DPP6: variants seen among roughly 807,000 people sequenced by gnomAD.
DPP6 encodes the protein dipeptidyl peptidase like 6.
A neutral mutation model predicts 122.6 loss-of-function variants in DPP6; 69 were observed. That is an observed-to-expected ratio of 0.56 (90% CI 0.46 to 0.69). The LOEUF is 0.69. DPP6 is among the 30% of genes least tolerant of loss of function. The pLI is 0.00. For missense variants in DPP6, 928 were observed against 1,116.9 expected (o/e 0.83, Z 2.41); for synonymous variants, 418 against 433.1 (o/e 0.97, Z 0.43).
chr7:154,876,914 G>T (rs1040771605), intron 20 of DPP6: 3 of 152,236 alleles, frequency 2.0e-5, no homozygotes, highest in African/African-American at 7.2e-5. Flanking sequence ...ATGACAAGAA[G>T]GCAGGGAGAA....
chr7:153,919,253 A>G (rs1203263655), intron 1 of DPP6, among the ~76,000 whole-genome samples: 2 of 152,138 alleles, frequency 1.3e-5, no homozygotes, highest in East Asian at 1.9e-4. Context: ...ATCTGACTCT[A>G]TGTCATCCTT....
In DPP6 at chr7:154,435,087, T is replaced by C. The variant is rs146101040; in HGVS notation, c.244-11127T>C. Among the ~76,000 whole-genome samples, 715 of 152,312 alleles carry C rather than the reference T, an allele frequency of 4.7e-3. 5 individuals carry two copies. The highest frequency in any genetic ancestry group is 0.014 in the African/African-American group (587 of 41,568). On this transcript the variant is annotated intron_variant, in intron 1 of 25. Transcript: ENST00000377770. ...CCTGACCTCAGGTGATCCACCTGTC[T>C]CAGCCTCCCAAAGTGCTGGAATTAC...
At chr7:154,216,116 A>G (rs1276417204) in intron 1 of DPP6, among the ~76,000 whole-genome samples, 1 of 152,150 alleles carries the variant, frequency 6.6e-6, no homozygotes, top group Non-Finnish European at 1.5e-5. Context: ...TGAGCATCTG[A>G]ACAGAGGAGA....
At chr7:153,794,722 T>G in the DPP6 span, among the ~76,000 whole-genome samples, 1 of 152,118 alleles carries the variant, frequency 6.6e-6, no homozygotes, top group Non-Finnish European at 1.5e-5. Context: ...AATCTCAACT[T>G]GAATTGTATC....
chr7:153,897,799 G>A (rs1195510508), intron 1 of DPP6, among the ~76,000 whole-genome samples: 2 of 152,118 alleles, frequency 1.3e-5, no homozygotes, highest in African/African-American at 4.8e-5. Flanking sequence ...TCTTCATACT[G>A]TTTTCCACAG....
At chr7:154,640,138 G>C (rs906569811) in intron 6 of DPP6, among the ~76,000 whole-genome samples, 3 of 152,144 alleles carry the variant, frequency 2.0e-5, no homozygotes, top group African/African-American at 7.2e-5. Context: ...TCTAGTCCCA[G>C]CTACTCAGGA....
chr7:154,650,862 G>C (rs1418787811), intron 6 of DPP6, among the ~76,000 whole-genome samples: 1 of 152,216 alleles, frequency 6.6e-6, no homozygotes, highest in Non-Finnish European at 1.5e-5. Context: ...CTACCTAGTA[G>C]AGGGAGGTTG....
chr7:154,014,615 T>C (rs546503109), intron 1 of DPP6, among the ~76,000 whole-genome samples: 2 of 151,978 alleles, frequency 1.3e-5, no homozygotes, highest in South Asian at 4.2e-4. Context: ...TGAGCCGAGA[T>C]TTTGCCACTG....
chr7:153,813,852 C>T, the DPP6 span, among the ~76,000 whole-genome samples: 110 of 151,364 alleles, frequency 7.3e-4, no homozygotes, highest in African/African-American at 2.2e-3. Context: ...TCATGTCCTT[C>T]GCCCACTTTT....
chr7:154,725,892 T>A (rs1842040224), intron 7 of DPP6, among the ~76,000 whole-genome samples: 1 of 152,198 alleles, frequency 6.6e-6, no homozygotes, highest in Admixed American at 6.5e-5. Context: ...AATACTCCCA[T>A]TCCAAATGGG....
intron 7 of DPP6, among the ~76,000 whole-genome samples, chr7:154,705,640 T>A (rs534063653): frequency 6.6e-6 from 1 of 152,342 alleles, no homozygotes; most frequent in East Asian, 1.9e-4. Flanking sequence ...CAGATTTACA[T>A]GCCTGAGTGG....
At chr7:153,749,345 A>T in the DPP6 span, among the ~76,000 whole-genome samples, 1 of 152,028 alleles carries the variant, frequency 6.6e-6, no homozygotes. The surrounding 1 kb of genome is among the most constrained non-coding windows in gnomAD (Gnocchi z 4.1). Context: ...TCGGGAGAAG[A>T]GGTCGGCGTT....
intron 1 of DPP6, among the ~76,000 whole-genome samples, chr7:154,086,001 C>T (rs1371271694): frequency 3.3e-5 from 5 of 151,902 alleles, no homozygotes; most frequent in Non-Finnish European, 7.4e-5. Context: ...GCTGAGATTA[C>T]AGGCGTGAGC....
intron 1 of DPP6, among the ~76,000 whole-genome samples, chr7:154,060,892 C>T (rs1801749574): frequency 6.9e-6 from 1 of 145,796 alleles, no homozygotes. Flanking sequence ...GAGGCACCCC[C>T]CACGAGGCGG....
the DPP6 span, among the ~76,000 whole-genome samples, chr7:153,865,261 G>A: frequency 6.6e-6 from 1 of 152,170 alleles, no homozygotes; most frequent in Non-Finnish European, 1.5e-5. Context: ...TACAGAATAA[G>A]ATGGAGTATA....
chr7:153,823,753 T>A, the DPP6 span, among the ~76,000 whole-genome samples: 12 of 152,246 alleles, frequency 7.9e-5, no homozygotes, highest in African/African-American at 2.6e-4. Flanking sequence ...TGAATCTGCA[T>A]GCTGAAAAGG....
rs1834950994 is a variant in DPP6 at position 154,624,648 on chromosome 7, C to G, written c.628-13173C>G. 6.6e-6 allele frequency among the ~76,000 whole-genome samples: 1 copy of G among 152,134 alleles called. No homozygotes were observed. Among genetic ancestry groups the G allele is most frequent in the Admixed American group, 6.5e-5 (1 of 15,288 alleles). On this transcript the variant is annotated intron_variant, in intron 5 of 25. Transcript: ENST00000377770. This position sits in a 1 kb window ranked among gnomAD's most constrained non-coding sequence, Gnocchi z 4.7. ...CCCGTGGTGGTCAGGTACCTTGCTGCTCTGCACACAAACAATAGAAAGCAA... is the reference window on the plus strand; with the variant it reads ...CCCGTGGTGGTCAGGTACCTTGCTGGTCTGCACACAAACAATAGAAAGCAA...
At chr7:154,662,524 TATA>T (rs1837796221) in intron 6 of DPP6, among the ~76,000 whole-genome samples, 4 of 41,226 alleles carry the variant, frequency 9.7e-5, no homozygotes, top group Admixed American at 2.5e-4. Context: ...GTAGTGTTCA[TATA>T]GTCATGGTGA....
chr7:154,289,416 G>A (rs1316037628), intron 1 of DPP6, among the ~76,000 whole-genome samples: 1 of 152,124 alleles, frequency 6.6e-6, no homozygotes, highest in Non-Finnish European at 1.5e-5. Flanking sequence ...GGCTTGTGAG[G>A]CCCCAGCAAC....
Sources: allele counts gnomAD v4.1 joint callset (sites outside exome capture counted in the v4.1 genomes callset), GRCh38; gene constraint gnomAD v4.1.1; non-coding constraint Gnocchi (gnomAD v3.1); transcripts MANE v1.5; gene names NCBI Gene and HGNC (gene_info 2026-07-23, HGNC 2026-07-21).